Variants in EXOC6B observed in about 807,000 individuals in gnomAD.
The protein encoded by EXOC6B is SEC15 homolog B.
EXOC6B carries 54 observed loss-of-function variants against 113.5 expected under a neutral mutation model. The ratio of observed to expected loss-of-function variants is 0.48; its 90% CI spans 0.38 to 0.60. The LOEUF (loss-of-function observed/expected upper bound fraction) is 0.60, where lower values mean the gene tolerates loss of function less well. Among genes scored for constraint, EXOC6B ranks in the 20% least tolerant of loss-of-function variants. The pLI, the probability that EXOC6B is intolerant of heterozygous loss-of-function variation, is 0.00. For missense variants in EXOC6B, 797 were observed against 977.5 expected (o/e 0.82, Z 2.46); for synonymous variants, 357 against 339.0 (o/e 1.05, Z -0.58).
intron 1 of EXOC6B, among the ~76,000 whole-genome samples, chr2:72,799,387 T>C (rs993371409): frequency 6.6e-6 from 1 of 151,256 alleles, no homozygotes; most frequent in East Asian, 1.9e-4. Context: ...CTGGGCAACA[T>C]AGCAAAACCC....
Position 72,768,119 on chromosome 2 carries a change from G to GT in EXOC6B, c.114-26651dup, listed in dbSNP as rs1200464797. On this transcript the variant is annotated intron_variant, in intron 1 of 21. Transcript: ENST00000272427. The stretch of plus-strand genomic sequence containing the variant: ...AGCCTGGGGGCCAGAGTGAGACTCC[G>GT]TTAAAAAAAAAAAAAAAAAGAAAGA... 3.3e-5 allele frequency among the ~76,000 whole-genome samples: 4 copies of GT among 122,494 alleles called. No individual in the cohort carries two copies. The East Asian group carries it at 8.9e-4, about 27-fold the overall frequency. 80.4% of individuals were successfully genotyped at this position (122,494 alleles called of 152,430 possible). A position where few individuals can be genotyped will look rare whatever the true frequency, so the allele number is the denominator to read the frequency against.
At chr2:72,270,841 A>G (rs527393587) in intron 20 of EXOC6B, among the ~76,000 whole-genome samples, 2 of 152,304 alleles carry the variant, frequency 1.3e-5, no homozygotes, top group Admixed American at 1.3e-4. Flanking sequence ...CCTTTGTATT[A>G]AGCCTCACCT....
Position 72,687,095 on chromosome 2 carries a change from G to A in EXOC6B, c.669+31008C>T, listed in dbSNP as rs148850157. Among the ~76,000 whole-genome samples, 1,491 of 150,460 alleles carry A rather than the reference G, an allele frequency of 9.9e-3. 38 individuals are homozygous for A. The highest frequency in any genetic ancestry group is 0.035 in the African/African-American group (1,436 of 40,906). On this transcript the variant is annotated intron_variant, in intron 6 of 21. Transcript: ENST00000272427. Reference sequence around the variant, plus strand: ...AGAGGTTGCACTGAGCCAAGATCACGCCACTGCACTCCAGCCTGGGTGACA... The same window carrying A: ...AGAGGTTGCACTGAGCCAAGATCACACCACTGCACTCCAGCCTGGGTGACA...
chr2:72,648,554 G>A (rs1214358591), intron 6 of EXOC6B, among the ~76,000 whole-genome samples: 1 of 152,178 alleles, frequency 6.6e-6, no homozygotes, highest in Admixed American at 6.5e-5. Flanking sequence ...TGATAGACTG[G>A]ATTAAGAAAA....
chr2:72,466,836 A>T (rs981640620), intron 17 of EXOC6B, among the ~76,000 whole-genome samples: 1 of 152,196 alleles, frequency 6.6e-6, no homozygotes, highest in Non-Finnish European at 1.5e-5. Context: ...TACCTCACAT[A>T]CTTATTTTAT....
chr2:72,463,603 G>A (rs1332389717), intron 18 of EXOC6B: 1 of 152,110 alleles, frequency 6.6e-6, no homozygotes, highest in African/African-American at 2.4e-5. Flanking sequence ...CACAGTTAGA[G>A]GTTTGAGGAC....
chr2:72,728,436 T>C (rs1680438818), intron 5 of EXOC6B, among the ~76,000 whole-genome samples: 1 of 152,238 alleles, frequency 6.6e-6, no homozygotes, highest in African/African-American at 2.4e-5. Context: ...ATTGTACCAC[T>C]GTCTGTCATA....
chr2:72,413,124 A>G (rs1246371297), intron 18 of EXOC6B, among the ~76,000 whole-genome samples: 1 of 151,760 alleles, frequency 6.6e-6, no homozygotes. Context: ...ACGCCCGGCG[A>G]AGTTTTTTTT....
intron 1 of EXOC6B, among the ~76,000 whole-genome samples, chr2:72,783,208 A>T (rs1391176897): frequency 6.7e-6 from 1 of 149,696 alleles, no homozygotes; most frequent in African/African-American, 2.5e-5. Flanking sequence ...TGTCTTTTTA[A>T]TAATAGCCAT....
chr2:72,224,112 A>G (rs892468857), intron 20 of EXOC6B, among the ~76,000 whole-genome samples: 3 of 152,174 alleles, frequency 2.0e-5, no homozygotes, highest in African/African-American at 7.2e-5. Context: ...AAAAGGTATT[A>G]GAAATGTATG....
rs548986739 is a variant in EXOC6B, at chr2:72,803,814, TAATA to T, written c.113+21980_113+21983del. On this transcript the variant is annotated intron_variant, in intron 1 of 21. Transcript: ENST00000272427. ...GCTGCCATCTGCTGTATAATTGTCC[TAATA>T]AATATACAAATCTACATTGTCTAAG... Among the ~76,000 whole-genome samples the T allele has an allele frequency of 3.5e-3, 538 of 152,308 alleles. 7 individuals carry two copies. The highest frequency in any genetic ancestry group is 0.02 in the Middle Eastern group (6 of 294).
At chr2:72,577,655 A>C (rs1704959459) in intron 6 of EXOC6B, among the ~76,000 whole-genome samples, 1 of 151,576 alleles carries the variant, frequency 6.6e-6, no homozygotes, top group Non-Finnish European at 1.5e-5. Context: ...CTAAATACTG[A>C]TATAAATATA....
At chr2:72,534,830 A>T (rs928646120) in intron 8 of EXOC6B, among the ~76,000 whole-genome samples, 1 of 152,154 alleles carries the variant, frequency 6.6e-6, no homozygotes, top group Non-Finnish European at 1.5e-5. Context: ...CTACTATACT[A>T]TTCTTTTCTA....
intron 1 of EXOC6B, among the ~76,000 whole-genome samples, chr2:72,742,733 G>A (rs553774324): frequency 7.2e-5 from 11 of 151,994 alleles, no homozygotes; most frequent in South Asian, 2.1e-4. Context: ...ATTACATTCC[G>A]AAGTATTCCT....
In EXOC6B at chr2:72,620,521, T is replaced by G. The variant is rs968075966; in HGVS notation, c.670-44853A>C. ...TAATTTTAAATTTAAATTTTAAATT[T>G]AAATTTAAAAGACCTCAAACTATTA... On this transcript the variant is annotated intron_variant, in intron 6 of 21. Transcript: ENST00000272427. Among the ~76,000 whole-genome samples, 3 of 151,392 alleles carry G rather than the reference T, an allele frequency of 2.0e-5. No homozygotes were observed. In the East Asian group the frequency reaches 5.8e-4, roughly 29 times the overall value.
chr2:72,407,765 A>G (rs1693882923), intron 18 of EXOC6B, among the ~76,000 whole-genome samples: 1 of 152,216 alleles, frequency 6.6e-6, no homozygotes, highest in Non-Finnish European at 1.5e-5. Context: ...ATCATACTGA[A>G]TGGGCAAAAA....
rs1439135960 is a variant in EXOC6B, at chr2:72,654,804, G to T, written c.669+63299C>A. 2.0e-5 allele frequency among the ~76,000 whole-genome samples: 3 copies of T among 152,132 alleles called. No homozygotes were observed. In the East Asian group the frequency reaches 5.8e-4, roughly 29 times the overall value. ...CTCTCAGGAAGTTAGTAGGCTTTAT[G>T]ATTTTATAGGTTAATTAAAGCGAAA... On this transcript the variant is annotated intron_variant, in intron 6 of 21. Coordinates refer to ENST00000272427, the MANE Select transcript of EXOC6B (RefSeq NM_015189.3).
intron 18 of EXOC6B, among the ~76,000 whole-genome samples, chr2:72,400,969 C>A (rs1424788965): frequency 1.3e-5 from 2 of 151,946 alleles, no homozygotes; most frequent in Admixed American, 6.6e-5. Context: ...GAAATCACTA[C>A]ACCAAAAAGA....
At chr2:72,308,632 T>C (rs905842566) in intron 20 of EXOC6B, among the ~76,000 whole-genome samples, 1 of 152,112 alleles carries the variant, frequency 6.6e-6, no homozygotes, top group Non-Finnish European at 1.5e-5. Context: ...TTTTATTAGG[T>C]AGCTGGAACT....
Sources: gnomAD v4.1 joint callset for allele counts (sites outside exome capture counted in the v4.1 genomes callset) on GRCh38, gnomAD v4.1.1 for gene constraint, MANE v1.5 for transcripts, NCBI Gene and HGNC (gene_info 2026-07-23, HGNC 2026-07-21) for gene names.